Variants in TTN observed in about 807,000 individuals in gnomAD.
TTN encodes the protein titin, also known as connectin.
In TTN, 1,525 loss-of-function variants were observed where a neutral mutation model predicts 3,223.0. The observed-to-expected ratio is 0.47, with a 90% CI of 0.45 to 0.49. The LOEUF (loss-of-function observed/expected upper bound fraction) is 0.49. TTN is among the 20% of genes least tolerant of loss of function. TTN has a pLI of 0.00. For synonymous variants in TTN, 14,094 were observed against 15,161.0 expected, an observed-to-expected ratio of 0.93 and a Z score of 5.17; for missense variants, 40,786 against 43,424.0, an observed-to-expected ratio of 0.94 and a Z score of 5.40.
At position 178,759,131 on chromosome 2, in the gene TTN, G is replaced by A; in HGVS notation, c.10156C>T (p.Pro3386Ser). The A allele has an allele frequency of 6.2e-7, 1 of 1,613,912 alleles. No individual in the cohort carries two copies. The highest frequency in any genetic ancestry group is 8.5e-7 in the Non-Finnish European group (1 of 1,179,924). ...SWYSKDKKIK[P>S]SRFFRMTQFE... ...TGAGTCATTCTAAAGAACCGAGATG[G>A]CTTGATTTTCTTGTCTTTGCTGTAC... Residue 3386 changes from proline to serine, a missense_variant, in exon 44 of 363, where the codon CCA becomes TCA. Coordinates refer to ENST00000589042, the MANE Select transcript of TTN (RefSeq NM_001267550.2).
chr2:178,712,861 C>A lies in TTN; in HGVS notation c.27164G>T (p.Gly9055Val). The change falls in exon 94 of 363, where the codon GGT (glycine) becomes GTT (valine). Residue 9055 changes from glycine (G) to valine (V), a missense_variant. Transcript: ENST00000589042. ...GTCACCTGGTACTAGTTCACTGCTACCTTTGAACCAGCTAACACTGAAAGG... is the reference window on the plus strand; with the variant it reads ...GTCACCTGGTACTAGTTCACTGCTAACTTTGAACCAGCTAACACTGAAAGG... ...TPPFSVSWFK[G>V]SSELVPGDRC... 1 of 1,613,748 alleles carries A rather than the reference C, an allele frequency of 6.2e-7. No homozygotes were observed. Among genetic ancestry groups the A allele is most frequent in the Non-Finnish European group, 8.5e-7 (1 of 1,179,776 alleles).
chr2:178,547,957 C>T lies in TTN; in HGVS notation c.93669G>A (p.Gln31223=), dbSNP rs775659979. ...PTADLTGITN[Q]LITCKAGSPF... is the part of the protein sequence containing the mutation. The stretch of plus-strand genomic sequence containing the variant: ...GGCTTCCTGCTTTGCAAGTTATAAG[C>T]TGATTGGTAATTCCAGTGAGGTCAG... Residue 31223 remains glutamine, a synonymous_variant, in exon 339 of 363, where the codon CAG becomes CAA. Coordinates refer to ENST00000589042, the MANE Select transcript of TTN (RefSeq NM_001267550.2). 6 of 1,613,674 alleles carry T rather than the reference C, an allele frequency of 3.7e-6. No individual in the cohort carries two copies. The highest frequency in any genetic ancestry group is 5.1e-6 in the Non-Finnish European group (6 of 1,179,734).
chr2:178,712,072 A>G lies in TTN; in HGVS notation c.27758T>C (p.Met9253Thr). 6.2e-7 allele frequency: 1 copy of G among 1,613,816 alleles called. No individual in the cohort carries two copies. The highest frequency in any genetic ancestry group is 2.2e-5 in the East Asian group (1 of 44,870). ...TGTAGCAACATTATTCCTAAAATGC[A>G]TTTTGTAAGTCGTAGTGGGTCTCAA... ...TKLRPTTTYK[M>T]HFRNNVATLV... Residue 9253 changes from methionine (M) to threonine (T), a missense_variant, in exon 96 of 363, where the codon ATG becomes ACG. Met to Thr is a moderately conservative substitution (Grantham distance 81, BLOSUM62 -1). Transcript: ENST00000589042.
At chr2:178,749,702 G>C in intron 47 of TTN, 3 of 1,612,962 alleles carry the variant, frequency 1.9e-6, no homozygotes, top group Non-Finnish European at 2.5e-6. Context: ...ATTGTTTTCA[G>C]CAACACATTT....
rs887802370 is a variant in TTN, at chr2:178,535,205, T to C, written c.101410A>G (p.Met33804Val). The C allele has an allele frequency of 3.1e-6, 5 of 1,613,966 alleles. No homozygotes were observed. Among genetic ancestry groups the C allele is most frequent in the Middle Eastern group, 3.3e-4 (2 of 6,062 alleles). ...GTTGAAGAGTGAGATGCTTTAGTCA[T>C]GGAGACTTCCCTGGTTTCATCTACC... Reference protein sequence around the residue: ...EEVDETREVSMTKASHSSTKE... With the variant: ...EEVDETREVSVTKASHSSTKE... The change falls in exon 358 of 363, where the codon ATG (methionine) becomes GTG (valine). Residue 33804 changes from methionine to valine, a missense_variant. Physicochemically the swap from Met to Val is conservative, Grantham distance 21. Coordinates refer to ENST00000589042, the MANE Select transcript of TTN (RefSeq NM_001267550.2).
chr2:178,712,605 A>T lies in TTN; in HGVS notation c.27329-12T>A. 1 of 1,607,666 alleles carries T rather than the reference A, an allele frequency of 6.2e-7. No individual in the cohort carries two copies. The highest frequency in any genetic ancestry group is 8.5e-7 in the Non-Finnish European group (1 of 1,176,420). ...AAATTTGGCTGGGGCTAAAGTGACC[A>T]AATTGAAAATATAAAATCAAACACA... On this transcript the variant is annotated splice_polypyrimidine_tract_variant and intron_variant, in intron 94 of 362. Coordinates refer to ENST00000589042, the MANE Select transcript of TTN (RefSeq NM_001267550.2).
Position 178,599,382 on chromosome 2 carries a change from A to G in TTN, c.56411T>C (p.Leu18804Pro). The change falls in exon 290 of 363, where the codon CTA becomes CCA. Residue 18804 changes from leucine (L) to proline (P), a missense_variant. Leu to Pro is a moderately conservative substitution (Grantham distance 98). Coordinates refer to ENST00000589042, the MANE Select transcript of TTN (RefSeq NM_001267550.2). ...ATCATCTTTAGGTGGAAACCAAGAT[A>G]GTGTCATTTGATCTGCTGAAACAGA... is the stretch of plus-strand genomic sequence containing the variant. Reference protein sequence around the residue: ...FESVSADQMTLSWFPPKDDGG... With the variant: ...FESVSADQMTPSWFPPKDDGG... 6.3e-7 allele frequency: 1 copy of G among 1,593,918 alleles called. No homozygotes were observed. The highest frequency in any genetic ancestry group is 1.2e-5 in the South Asian group (1 of 86,138).
rs1201338150 is a variant in TTN, at chr2:178,588,212, A to G, written c.63195T>C (p.Pro21065=). 3 of 1,568,336 alleles carry G rather than the reference A, an allele frequency of 1.9e-6. No homozygotes were observed. Among genetic ancestry groups the G allele is most frequent in the Non-Finnish European group, 2.6e-6 (3 of 1,154,346 alleles). ...PVVAKDPIEP[P]GPPTNFRVVD... is the part of the protein sequence containing the mutation. Reference sequence around the variant, plus strand: ...CCACTCTGAAATTGGTTGGTGGACCAGGTGGCTCTGAAAGTAAAATATACA... The same window carrying G: ...CCACTCTGAAATTGGTTGGTGGACCGGGTGGCTCTGAAAGTAAAATATACA... Residue 21065 remains proline, a synonymous_variant, in exon 305 of 363, where the codon CCT becomes CCC. Coordinates refer to ENST00000589042, the MANE Select transcript of TTN (RefSeq NM_001267550.2).
At chr2:178,616,413 T>G in intron 257 of TTN, 66 bp downstream of exon 257, 1 of 1,591,716 alleles carries the variant, frequency 6.3e-7, no homozygotes, top group Admixed American at 1.9e-5. Flanking sequence ...TTGTATGGCA[T>G]CCCAACCTTC....
chr2:178,584,866 A>T lies in TTN; in HGVS notation c.64775T>A (p.Ile21592Asn). Reference protein sequence around the residue: ...HIPLEDGGSNITNYIVEKCDV... With the variant: ...HIPLEDGGSNNTNYIVEKCDV... Reference sequence around the variant, plus strand: ...ACACTTCTCCACTATATAATTGGTGATGTTACTGCCTCCGTCCTCCAGAGG... The same window carrying T: ...ACACTTCTCCACTATATAATTGGTGTTGTTACTGCCTCCGTCCTCCAGAGG... The change falls in exon 310 of 363, where the codon ATC (isoleucine) becomes AAC (asparagine). Residue 21592 changes from isoleucine to asparagine, a missense_variant. By Grantham distance (149) the Ile-to-Asn change is moderately radical. Transcript: ENST00000589042. 6.2e-7 allele frequency: 1 copy of T among 1,613,360 alleles called. No individual in the cohort carries two copies. The highest frequency in any genetic ancestry group is 2.2e-5 in the East Asian group (1 of 44,776).
chr2:178,530,590 T>C lies in TTN; in HGVS notation c.106025A>G (p.Tyr35342Cys), dbSNP rs1060500560. The change falls in exon 358 of 363, where the codon TAT (tyrosine) becomes TGT (cysteine). Residue 35342 changes from tyrosine (Y) to cysteine (C), a missense_variant. By Grantham distance (194) the Tyr-to-Cys change is radical. Transcript: ENST00000589042. Reference sequence around the variant, plus strand: ...AGTGAGGTTATTGATTTTGAGCTCATAGGTACCATCTGCTGAATAATGAAA... The same window carrying C: ...AGTGAGGTTATTGATTTTGAGCTCACAGGTACCATCTGCTGAATAATGAAA... ...FQFHYSADGTYELKINNLTES... is the reference protein window; with the variant it reads ...FQFHYSADGTCELKINNLTES... 13 of 1,613,880 alleles carry C rather than the reference T, an allele frequency of 8.1e-6. No individual in the cohort carries two copies. In the African/African-American group the frequency reaches 1.6e-4, roughly 20 times the overall value.
In TTN at chr2:178,607,843, A is replaced by G. The variant is rs1341313576; in HGVS notation, c.52944T>C (p.Asn17648=). Residue 17648 remains asparagine, a synonymous_variant, in exon 276 of 363, where the codon AAT becomes AAC. Coordinates refer to ENST00000589042, the MANE Select transcript of TTN (RefSeq NM_001267550.2). ...ADYKLRVSAV[N]AAGEGPPGET... is the part of the protein sequence containing the mutation. ...CTCCAGGCGGTCCTTCCCCTGCGGC[A>G]TTGACAGCACTCACCCGAAGTTTGT... The G allele has an allele frequency of 6.2e-7, 1 of 1,613,042 alleles. No individual in the cohort carries two copies. The highest frequency in any genetic ancestry group is 1.1e-5 in the South Asian group (1 of 91,066).
chr2:178,776,444 G>T lies in TTN; in HGVS notation c.5420C>A (p.Pro1807His). The T allele has an allele frequency of 6.2e-7, 1 of 1,609,166 alleles. No homozygotes were observed. ...TCTCTGTAAGCCTTTCCTCCCCTCA[G>T]GCAATTGGGATTCTTCCACAAGACT... ...EKSLVEESQL[P>H]EGRKGLQRIE... Residue 1807 changes from proline (P) to histidine (H), a missense_variant, in exon 28 of 363, where the codon CCT becomes CAT. Pro to His is a moderately conservative substitution (Grantham distance 77). Transcript: ENST00000589042.
rs201457934 is a variant in TTN, at chr2:178,592,471, C to A, written c.59534G>T (p.Arg19845Leu). The A allele has an allele frequency of 2.5e-6, 4 of 1,613,522 alleles. No individual in the cohort carries two copies. In the Admixed American group the frequency reaches 5.0e-5, roughly 20 times the overall value. ...VTPVGSKLEI[R>L]NAAHEDGGIY... ...TCCACCATCTTCATGGGCAGCATTA[C>A]GAATTTCAAGCTTGCTACCAACTGG... Residue 19845 changes from arginine (R) to leucine (L), a missense_variant, in exon 301 of 363, where the codon CGT becomes CTT. Coordinates refer to ENST00000589042, the MANE Select transcript of TTN (RefSeq NM_001267550.2).
intron 98 of TTN, among the ~76,000 whole-genome samples, chr2:178,710,330 C>T (rs932979076): frequency 6.6e-5 from 10 of 152,190 alleles, no homozygotes; most frequent in Admixed American, 2.0e-4. Flanking sequence ...GCCTGTAATC[C>T]CAGCTACTCA....
At position 178,605,655 on chromosome 2, in the gene TTN, T is replaced by G; in HGVS notation, c.53640A>C (p.Thr17880=). 6.2e-7 allele frequency: 1 copy of G among 1,610,046 alleles called. No homozygotes were observed. Among genetic ancestry groups the G allele is most frequent in the East Asian group, 2.2e-5 (1 of 44,636 alleles). Reference sequence around the variant, plus strand: ...TACTGCGGGGCTCTTTCCAGTCAAGTGTGATAGTGGACTTTGTCCTTTCAG... The same window carrying G: ...TACTGCGGGGCTCTTTCCAGTCAAGGGTGATAGTGGACTTTGTCCTTTCAG... ...TYTERTKSTI[T]LDWKEPRSNG... The change falls in exon 279 of 363, where the codon ACA becomes ACC. Residue 17880 remains threonine (T), a synonymous_variant. Transcript: ENST00000589042.
rs1165006945 is a variant in TTN, at chr2:178,735,899, T to C, written c.14547A>G (p.Lys4849=). 6.2e-7 allele frequency: 1 copy of C among 1,613,894 alleles called. No individual in the cohort carries two copies. Among genetic ancestry groups the C allele is most frequent in the South Asian group, 1.1e-5 (1 of 91,084 alleles). The change falls in exon 50 of 363, where the codon AAA becomes AAG. Residue 4849 remains lysine, a synonymous_variant. Transcript: ENST00000589042. ...PNWRISDAEN[K]HILELSNLTI... ...TAAGGTTTGAGAGTTCTAAAATGTG[T>C]TTGTTTTCTGCGTCGGAAATCCTCC...
In TTN at chr2:178,720,151, C is replaced by G. The variant is rs1220028372; in HGVS notation, c.23491G>C (p.Asp7831His). ...FQPISVVWLKDRGEVIRESEN... is the reference protein window; with the variant it reads ...FQPISVVWLKHRGEVIRESEN... ...CTCTCTCTGATGACTTCACCTCTAT[C>G]TTTCAGCCAGACAACAGAAATTGGC... Residue 7831 changes from aspartate (D) to histidine (H), a missense_variant, in exon 81 of 363, where the codon GAT becomes CAT. Asp to His is a moderately conservative substitution (Grantham distance 81). Coordinates refer to ENST00000589042, the MANE Select transcript of TTN (RefSeq NM_001267550.2). 5 of 1,613,778 alleles carry G rather than the reference C, an allele frequency of 3.1e-6. No individual in the cohort carries two copies. The highest frequency in any genetic ancestry group is 1.7e-4 in the Middle Eastern group (1 of 6,060).
rs72648276 is a variant in TTN, at chr2:178,538,674, C to T, written c.99155G>A (p.Arg33052His). ...TATTGTGAATTGCTTGTCCTTAATA[C>T]GTTCCTTATTGCTCTTCTTCCAGGC... ...DSAWKKSNKE[R>H]IKDKQFTIGG... The change falls in exon 354 of 363, where the codon CGT (arginine) becomes CAT (histidine). Residue 33052 changes from arginine (R) to histidine (H), a missense_variant. Physicochemically the swap from Arg to His is conservative, Grantham distance 29. Coordinates refer to ENST00000589042, the MANE Select transcript of TTN (RefSeq NM_001267550.2). 1.9e-5 allele frequency: 31 copies of T among 1,613,630 alleles called. No individual in the cohort carries two copies. Among genetic ancestry groups the T allele is most frequent in the South Asian group, 1.3e-4 (12 of 91,082 alleles).
Sources: gnomAD v4.1 joint callset for allele counts (sites outside exome capture counted in the v4.1 genomes callset) on GRCh38, gnomAD v4.1.1 for gene constraint, MANE v1.5 for transcripts, NCBI Gene and HGNC (gene_info 2026-07-23, HGNC 2026-07-21) for gene names.